The following RBFOX1 variants were observed in gnomAD, a reference collection of about 807,000 sequenced individuals.
The protein encoded by RBFOX1 is RNA binding protein fox-1 homolog 1.
RBFOX1 carries 8 observed loss-of-function variants against 57.7 expected under a neutral mutation model. The observed-to-expected ratio is 0.14, with a 90% CI of 0.08 to 0.25. RBFOX1 has a LOEUF of 0.25. Among genes scored for constraint, RBFOX1 ranks in the 10% least tolerant of loss-of-function variants. The pLI, the probability that RBFOX1 is intolerant of heterozygous loss-of-function variation, is 1.00. For synonymous variants in RBFOX1, 326 were observed against 222.4 expected, an observed-to-expected ratio of 1.47 and a Z score of -4.15; for missense variants, 611 against 548.5, an observed-to-expected ratio of 1.11 and a Z score of -1.14.
chr16:6,025,415 A>G (rs767176518), intron 1 of RBFOX1, among the ~76,000 whole-genome samples: 12 of 152,184 alleles, frequency 7.9e-5, no homozygotes, highest in Non-Finnish European at 1.3e-4. Context: ...GTGAGGGTGG[A>G]AGACCCTGGG....
At chr16:6,714,789 G>C (rs1295245459) in intron 3 of RBFOX1, among the ~76,000 whole-genome samples, 1 of 152,140 alleles carries the variant, frequency 6.6e-6, no homozygotes, top group Non-Finnish European at 1.5e-5. Context: ...AATTTGTTAG[G>C]AGGAGAAACT....
intron 4 of RBFOX1, among the ~76,000 whole-genome samples, chr16:7,262,663 C>G: frequency 6.6e-6 from 1 of 152,244 alleles, no homozygotes; most frequent in South Asian, 2.1e-4. Flanking sequence ...AATCTGCAAT[C>G]TATCAAGGAG....
intron 3 of RBFOX1, among the ~76,000 whole-genome samples, chr16:6,688,658 C>G (rs2059786514): frequency 6.6e-6 from 1 of 152,106 alleles, no homozygotes; most frequent in African/African-American, 2.4e-5. Flanking sequence ...TATTATTATA[C>G]TTTAAGTTCT....
intron 1 of RBFOX1, among the ~76,000 whole-genome samples, chr16:6,162,646 C>A (rs1262025579): frequency 6.6e-6 from 1 of 152,150 alleles, no homozygotes; most frequent in Admixed American, 6.5e-5. Flanking sequence ...AGACATTTAA[C>A]CCCCAAAGAA....
intron 1 of RBFOX1, among the ~76,000 whole-genome samples, chr16:6,249,772 C>CTTTTTTTTTTTTT (rs55802545): frequency 1.4e-5 from 2 of 140,668 alleles, no homozygotes; most frequent in Non-Finnish European, 1.5e-5. Context: ...CATTTTTTTT[C>CTTTTTTTTTTTTT]TTTTTTTTTT....
chr16:7,397,583 A>G (rs1222327554), intron 4 of RBFOX1, among the ~76,000 whole-genome samples: 1 of 152,216 alleles, frequency 6.6e-6, no homozygotes, highest in Non-Finnish European at 1.5e-5. Flanking sequence ...TCAGAACTGA[A>G]TGGAAGGACA....
intron 2 of RBFOX1, among the ~76,000 whole-genome samples, chr16:6,347,401 C>T (rs950073659): frequency 9.9e-5 from 15 of 152,178 alleles, no homozygotes; most frequent in Admixed American, 6.5e-5. Flanking sequence ...CCTTTCTTCT[C>T]ATTTGGCTTA....
chr16:6,994,139 C>T lies in RBFOX1; in HGVS notation c.-15-57918C>T, dbSNP rs138243800. On this transcript the variant is annotated intron_variant, in intron 3 of 15. Coordinates refer to ENST00000550418, the MANE Select transcript of RBFOX1 (RefSeq NM_018723.4). ...CGTGATGAGGGGAGTTTGGGAATTG[C>T]GCTTGGGGTATTGGCGGGATCAGGG... is the stretch of plus-strand genomic sequence containing the variant. Among the ~76,000 whole-genome samples, 57 of 152,080 alleles carry T rather than the reference C, an allele frequency of 3.7e-4. 1 individual carries two copies. Among genetic ancestry groups the T allele is most frequent in the African/African-American group, 1.2e-3 (51 of 41,478 alleles).
At chr16:5,959,544 T>G (rs2049068709) in intron 4 of RBFOX1, among the ~76,000 whole-genome samples, 1 of 152,090 alleles carries the variant, frequency 6.6e-6, no homozygotes, top group Non-Finnish European at 1.5e-5. Flanking sequence ...TGTATAAAAG[T>G]CCAAAACAGA....
chr16:5,986,238 A>G (rs879834184), intron 4 of RBFOX1, among the ~76,000 whole-genome samples: 21 of 151,730 alleles, frequency 1.4e-4, no homozygotes, highest in Non-Finnish European at 2.8e-4. Flanking sequence ...TAATTTTTGT[A>G]TTGTTAGTAG....
chr16:7,465,836 A>C (rs367829423), intron 4 of RBFOX1, among the ~76,000 whole-genome samples: 2 of 152,326 alleles, frequency 1.3e-5, no homozygotes, highest in East Asian at 1.9e-4. Context: ...GAAGTGCTGG[A>C]ATAACTGATG....
intron 3 of RBFOX1, chr16:5,610,318 T>C (rs189552152): frequency 6.6e-6 from 1 of 152,242 alleles, no homozygotes; most frequent in Admixed American, 6.5e-5. Flanking sequence ...CCATGTTTTA[T>C]TCACATAGCT....
intron 1 of RBFOX1, among the ~76,000 whole-genome samples, chr16:5,420,642 T>A (rs1483459646): frequency 6.6e-6 from 1 of 152,122 alleles, no homozygotes; most frequent in Non-Finnish European, 1.5e-5. Context: ...CCCCCAACCC[T>A]GAGTCTGCAG....
intron 1 of RBFOX1, among the ~76,000 whole-genome samples, chr16:6,282,781 A>G (rs961943579): frequency 6.6e-6 from 1 of 152,156 alleles, no homozygotes; most frequent in Non-Finnish European, 1.5e-5. Flanking sequence ...GCTTCCTATC[A>G]GCCTGTAAGT....
At chr16:7,708,801 G>A (rs2083325476) in intron 14 of RBFOX1, among the ~76,000 whole-genome samples, 1 of 143,064 alleles carries the variant, frequency 7.0e-6, no homozygotes, top group Non-Finnish European at 1.5e-5. Flanking sequence ...GGGGGAGGCA[G>A]GGAAAAGCAT....
intron 3 of RBFOX1, among the ~76,000 whole-genome samples, chr16:5,860,512 T>A (rs1021424222): frequency 1.3e-5 from 2 of 152,196 alleles, no homozygotes; most frequent in African/African-American, 4.8e-5. Flanking sequence ...TTGCTCCCAT[T>A]TGTCAAGGTG....
intron 7 of RBFOX1, among the ~76,000 whole-genome samples, chr16:7,590,483 G>A (rs762361496): frequency 1.3e-5 from 2 of 152,120 alleles, no homozygotes; most frequent in East Asian, 1.9e-4. Flanking sequence ...TCCTTTTTAC[G>A]AGATTTACCC....
At chr16:6,373,227 G>T (rs1164033864) in intron 2 of RBFOX1, among the ~76,000 whole-genome samples, 2 of 150,550 alleles carry the variant, frequency 1.3e-5, no homozygotes, top group Non-Finnish European at 2.9e-5. Context: ...AGGATAGTTC[G>T]TTGGGATCAC....
intron 1 of RBFOX1, among the ~76,000 whole-genome samples, chr16:5,296,075 G>A (rs950028797): frequency 1.4e-4 from 13 of 95,460 alleles, no homozygotes; most frequent in African/African-American, 3.2e-4. Context: ...CATTGCGCCC[G>A]GGTTCCCCCT....
Sources: gnomAD v4.1 joint callset for allele counts (sites outside exome capture counted in the v4.1 genomes callset) on GRCh38, gnomAD v4.1.1 for gene constraint, MANE v1.5 for transcripts, NCBI Gene and HGNC (gene_info 2026-07-23, HGNC 2026-07-21) for gene names.